Variants in THOP1 observed in about 807,000 individuals in gnomAD.
THOP1 encodes the protein thimet oligopeptidase 1.
A neutral mutation model predicts 71.8 loss-of-function variants in THOP1; 49 were observed. That is an observed-to-expected ratio of 0.68 (90% CI 0.54 to 0.87). The LOEUF (loss-of-function observed/expected upper bound fraction) is 0.87. THOP1 is among the 40% of genes least tolerant of loss of function. The probability of loss-of-function intolerance (pLI) is 0.00; values close to 1 mark genes in which losing one functional copy is unlikely to be tolerated. For missense variants in THOP1, 843 were observed against 975.6 expected (o/e 0.86, Z 1.81); for synonymous variants, 426 against 421.5 (o/e 1.01, Z -0.13).
chr19:2,811,608 G>C lies in THOP1; in HGVS notation c.1782G>C (p.Met594Ile). The change falls in exon 12 of 13, where the codon ATG becomes ATC. Residue 594 changes from methionine (M) to isoleucine (I), a missense_variant. Physicochemically the swap from Met to Ile is conservative, Grantham distance 10. Coordinates refer to ENST00000307741, the MANE Select transcript of THOP1 (RefSeq NM_003249.5). ...LGVPATPGTN[M>I]PATFGHLAGG... ...ATGTGTCCGCCCCAGGAACCAACAT[G>C]CCTGCAACCTTCGGCCATCTGGCAG... The C allele has an allele frequency of 6.2e-7, 1 of 1,612,990 alleles. No individual in the cohort carries two copies. The highest frequency in any genetic ancestry group is 8.5e-7 in the Non-Finnish European group (1 of 1,179,752).
chr19:2,799,608 G>T, intron 4 of THOP1, 81 bp from the exon 5 acceptor site: 1 of 1,157,246 alleles, frequency 8.6e-7, no homozygotes. Flanking sequence ...AGCCCTCGGC[G>T]AGAGGGTTCC....
rs1916552546 is a variant in THOP1 at position 2,813,949 on chromosome 19, G to A, written c.*673G>A. The A allele has an allele frequency of 6.5e-6, 1 of 152,700 alleles. No individual in the cohort carries two copies. Among genetic ancestry groups the A allele is most frequent in the Non-Finnish European group, 1.5e-5 (1 of 68,326 alleles). 9.5% of individuals were successfully genotyped at this position (152,700 alleles called of 1,614,324 possible). A position where few individuals can be genotyped will look rare whatever the true frequency, so the allele number is the denominator to read the frequency against. ...TGTGCGCACAGGCAGCCGGGGCGGGGCTGGGGGTCAGCAGCTGCCCACCCT... is the reference window on the plus strand; with the variant it reads ...TGTGCGCACAGGCAGCCGGGGCGGGACTGGGGGTCAGCAGCTGCCCACCCT... On this transcript the variant is annotated 3_prime_UTR_variant, in exon 13 of 13. Coordinates refer to ENST00000307741, the MANE Select transcript of THOP1 (RefSeq NM_003249.5).
In THOP1 at chr19:2,794,772, A is replaced by T; in HGVS notation, c.238A>T (p.Asn80Tyr). ...GGTCTCCCCTGTTTTAGTTCAGAGG[A>T]ATATCCTTGACTTCCCCCAGCATGT... ...DVEVTYTVQR[N>Y]ILDFPQHVSP... Residue 80 changes from asparagine (N) to tyrosine (Y), a missense_variant, in exon 3 of 13, where the codon AAT becomes TAT. Transcript: ENST00000307741. 6.2e-7 allele frequency: 1 copy of T among 1,613,270 alleles called. No individual in the cohort carries two copies.
chr19:2,786,714 T>G (rs1189544457), intron 1 of THOP1, among the ~76,000 whole-genome samples: 2 of 150,970 alleles, frequency 1.3e-5, no homozygotes, highest in South Asian at 2.1e-4. Flanking sequence ...CTATGCTGCT[T>G]CAGCCTCCCA....
chr19:2,807,779 C>T lies in THOP1; in HGVS notation c.1224C>T (p.Val408=), dbSNP rs535432531. The change falls in exon 8 of 13, where the codon GTC becomes GTT. Residue 408 remains valine, a synonymous_variant. Transcript: ENST00000307741. ...TARDAASGEV[V]GKFYLDLYPR... is the part of the protein sequence containing the mutation. The stretch of plus-strand genomic sequence containing the variant: ...GGGACGCGGCCTCGGGGGAGGTGGT[C>T]GGCAAGTTCTACCTGGACCTGTACC... 21 of 1,530,130 alleles carry T rather than the reference C, an allele frequency of 1.4e-5. No homozygotes were observed. Among genetic ancestry groups the T allele is most frequent in the East Asian group, 4.6e-5 (2 of 43,420 alleles). The allele number at this position is 1,530,130 out of a possible 1,614,324, so 94.8% of individuals were successfully genotyped here. A position where few individuals can be genotyped will look rare whatever the true frequency, so the allele number is the denominator to read the frequency against.
chr19:2,800,629 G>T (rs1396575333), intron 5 of THOP1, among the ~76,000 whole-genome samples: 2 of 152,248 alleles, frequency 1.3e-5, no homozygotes, highest in Admixed American at 6.5e-5. Context: ...CTGGGCGTAT[G>T]TTTCCTGAGG....
At chr19:2,794,721 G>C in intron 2 of THOP1, 43 bp from the exon 3 acceptor site, 1 of 1,585,350 alleles carries the variant, frequency 6.3e-7, no homozygotes, top group Non-Finnish European at 8.6e-7. Context: ...AGTTGTACTG[G>C]GGCCTGTTCT....
intron 11 of THOP1, 106 bp from the exon 12 acceptor site, chr19:2,811,492 T>A (rs1916460162): frequency 6.9e-7 from 1 of 1,445,276 alleles, no homozygotes; most frequent in Non-Finnish European, 9.2e-7. Flanking sequence ...CTCCAGCTTC[T>A]CCCTGTTCCG....
chr19:2,797,789 G>T (rs1223217223), intron 4 of THOP1, among the ~76,000 whole-genome samples: 1 of 152,232 alleles, frequency 6.6e-6, no homozygotes, highest in East Asian at 1.9e-4. Flanking sequence ...TCAGGTCCCA[G>T]GCTGCAGCCA....
chr19:2,787,655 G>C (rs1915779557), intron 1 of THOP1, among the ~76,000 whole-genome samples: 1 of 152,220 alleles, frequency 6.6e-6, no homozygotes, highest in African/African-American at 2.4e-5. Context: ...GACCTCAACT[G>C]ACCGACTGAG....
At position 2,813,405 on chromosome 19, in the gene THOP1, C is replaced by A; in HGVS notation, c.*129C>A. On this transcript the variant is annotated 3_prime_UTR_variant, in exon 13 of 13. Coordinates refer to ENST00000307741, the MANE Select transcript of THOP1 (RefSeq NM_003249.5). ...GCAGGGTGGCTGAGCGGCTGTCTTG[C>A]CTCTTGTCATTGTCTGTCCCCACCC... 1 of 1,211,038 alleles carries A rather than the reference C, an allele frequency of 8.3e-7. No individual in the cohort carries two copies. The highest frequency in any genetic ancestry group is 1.1e-6 in the Non-Finnish European group (1 of 894,558). The allele number at this position is 1,211,038 out of a possible 1,614,324, so 75.0% of individuals were successfully genotyped here.
chr19:2,801,223 C>T lies in THOP1; in HGVS notation c.589+1432C>T, dbSNP rs981696843. ...GAATCCTGGGGAAGTCTGTATGAAGCGCGGTGGAAGTTCAGTTGGCATCAG... is the reference window on the plus strand; with the variant it reads ...GAATCCTGGGGAAGTCTGTATGAAGTGCGGTGGAAGTTCAGTTGGCATCAG... On this transcript the variant is annotated intron_variant, in intron 5 of 12. Transcript: ENST00000307741. The surrounding 1 kb of genome is among the most constrained non-coding windows in gnomAD (Gnocchi z 5.1). Among the ~76,000 whole-genome samples, 2 of 152,160 alleles carry T rather than the reference C, an allele frequency of 1.3e-5. No homozygotes were observed. The highest frequency in any genetic ancestry group is 4.8e-5 in the African/African-American group (2 of 41,418).
intron 4 of THOP1, 40 bp downstream of exon 4, chr19:2,796,228 G>A: frequency 3.3e-6 from 5 of 1,509,566 alleles, no homozygotes; most frequent in Non-Finnish European, 4.6e-6. Context: ...GTGGGCAATG[G>A]TCGATCCCGG....
intron 12 of THOP1, 105 bp downstream of exon 12, chr19:2,811,839 CAGGGAGGG>C: frequency 1.4e-6 from 2 of 1,467,990 alleles, no homozygotes; most frequent in East Asian, 2.5e-5. Context: ...GGACTGGGGA[CAGGGAGGG>C]CGTCCTGAAC....
Position 2,815,094 on chromosome 19 carries a change from G to A in THOP1, c.*1818G>A, listed in dbSNP as rs1455163102. ...AATAAAATACCTGGGGTTCAGAAAAGAAAAGCTGGAAGGCAAAGCCGACCG... is the reference window on the plus strand; with the variant it reads ...AATAAAATACCTGGGGTTCAGAAAAAAAAAGCTGGAAGGCAAAGCCGACCG... On this transcript the variant is annotated 3_prime_UTR_variant, in exon 13 of 13. Transcript: ENST00000307741. 5.9e-5 allele frequency: 9 copies of A among 152,416 alleles called. No homozygotes were observed. The East Asian group carries it at 1.7e-3, about 29-fold the overall frequency. The allele number at this position is 152,416 out of a possible 1,614,324, so 9.4% of individuals were successfully genotyped here.
At position 2,805,580 on chromosome 19, in the gene THOP1, T is replaced by A. The variant is rs1916269113; in HGVS notation, c.750+404T>A. Among the ~76,000 whole-genome samples, 2 of 152,192 alleles carry A rather than the reference T, an allele frequency of 1.3e-5. No homozygotes were observed. The highest frequency in any genetic ancestry group is 4.1e-4 in the South Asian group (2 of 4,826). On this transcript the variant is annotated intron_variant, in intron 6 of 12. Coordinates refer to ENST00000307741, the MANE Select transcript of THOP1 (RefSeq NM_003249.5). The surrounding 1 kb of genome is among the most constrained non-coding windows in gnomAD (Gnocchi z 6.6). The stretch of plus-strand genomic sequence containing the variant: ...CCACAGGTGGGTTGTGACTGGGCTA[T>A]CTCGCTGTGACTGGCGTCAGACGGC...
rs1380329887 is a variant in THOP1 at position 2,815,728 on chromosome 19, T to G, written c.*2452T>G. On this transcript the variant is annotated 3_prime_UTR_variant, in exon 13 of 13. Coordinates refer to ENST00000307741, the MANE Select transcript of THOP1 (RefSeq NM_003249.5). ...GTGTGGCATTAGCATCCCCTGCCCG[T>G]CCAGGTTGTCACTCTCCTTGGCCCC... 1 of 152,082 alleles carries G rather than the reference T, an allele frequency of 6.6e-6. No individual in the cohort carries two copies. Among genetic ancestry groups the G allele is most frequent in the Admixed American group, 6.5e-5 (1 of 15,278 alleles). The allele number at this position is 152,082 out of a possible 1,614,324, so 9.4% of individuals were successfully genotyped here. A position where few individuals can be genotyped will look rare whatever the true frequency, so the allele number is the denominator to read the frequency against.
At chr19:2,810,151 C>T (rs1202235344) in intron 9 of THOP1, 153 bp from the exon 10 acceptor site, 24 of 977,782 alleles carry the variant, frequency 2.5e-5, no homozygotes, top group African/African-American at 1.2e-4. Context: ...CTCCGGGTCC[C>T]GGTCGTTTTC....
Position 2,805,153 on chromosome 19 carries a change from G to T in THOP1, c.727G>T (p.Ala243Ser). ...VPETRRKVEE[A>S]FNCRCKEENC... ...TGAGACCAGGAGGAAAGTGGAGGAG[G>T]CCTTCAACTGCCGGTGCAAGGAGGT... The change falls in exon 6 of 13, where the codon GCC becomes TCC. Residue 243 changes from alanine to serine, a missense_variant. By Grantham distance (99) the Ala-to-Ser change is moderately conservative. Transcript: ENST00000307741. This position sits in a 1 kb window ranked among gnomAD's most constrained non-coding sequence, Gnocchi z 6.6. The T allele has an allele frequency of 6.2e-7, 1 of 1,612,202 alleles. No individual in the cohort carries two copies. Among genetic ancestry groups the T allele is most frequent in the Non-Finnish European group, 8.5e-7 (1 of 1,179,648 alleles).
Sources: gnomAD v4.1 joint callset for allele counts (sites outside exome capture counted in the v4.1 genomes callset) on GRCh38, gnomAD v4.1.1 for gene constraint, Gnocchi (gnomAD v3.1) non-coding constraint, MANE v1.5 for transcripts, NCBI Gene and HGNC (gene_info 2026-07-23, HGNC 2026-07-21) for gene names.